Variants in RAB3GAP2 observed in about 807,000 individuals in gnomAD.
RAB3GAP2 encodes RAB3 GTPase activating non-catalytic protein subunit 2.
In RAB3GAP2, 87 loss-of-function variants were observed where a neutral mutation model predicts 185.3. The ratio of observed to expected loss-of-function variants is 0.47; its 90% CI spans 0.39 to 0.56. The LOEUF (loss-of-function observed/expected upper bound fraction) is 0.56. Among genes scored for constraint, RAB3GAP2 ranks in the 20% least tolerant of loss-of-function variants. RAB3GAP2 has a pLI of 0.00. For missense variants in RAB3GAP2, 1,492 were observed against 1,638.2 expected, an observed-to-expected ratio of 0.91 and a Z score of 1.54; for synonymous variants, 554 against 576.1, an observed-to-expected ratio of 0.96 and a Z score of 0.55.
intron 1 of RAB3GAP2, chr1:220,253,899 G>A (rs3211125): frequency 1.1e-5 from 18 of 1,613,370 alleles, no homozygotes; most frequent in East Asian, 6.7e-5. Flanking sequence ...AAGTGAAAAC[G>A]AAAAAGAACA....
intron 1 of RAB3GAP2, among the ~76,000 whole-genome samples, chr1:220,271,619 G>C (rs1660334478): frequency 6.6e-6 from 1 of 152,126 alleles, no homozygotes; most frequent in Non-Finnish European, 1.5e-5. Context: ...TTCTTTGAGA[G>C]AGTCTTACCT....
intron 28 of RAB3GAP2, among the ~76,000 whole-genome samples, chr1:220,161,791 C>T (rs1657967965): frequency 6.6e-6 from 1 of 152,112 alleles, no homozygotes; most frequent in African/African-American, 2.4e-5. Flanking sequence ...TAAGATCTAG[C>T]CATGATAGGC....
rs1657739366 is a variant in RAB3GAP2, at chr1:220,150,897, TTAGA to T, written c.*350_*353del. On this transcript the variant is annotated 3_prime_UTR_variant, in exon 35 of 35. Transcript: ENST00000358951. The stretch of plus-strand genomic sequence containing the variant: ...ATTTAAATTGAATTACAACAACATT[TTAGA>T]TAGGAAATATAGAATCTTATAAGAA... 1 of 259,548 alleles carries T rather than the reference TTAGA, an allele frequency of 3.9e-6. No homozygotes were observed. The highest frequency in any genetic ancestry group is 7.4e-6 in the Non-Finnish European group (1 of 135,020). The allele number at this position is 259,548 out of a possible 1,614,324, so 16.1% of individuals were successfully genotyped here.
chr1:220,193,440 A>G, intron 12 of RAB3GAP2, 61 bp from the exon 13 acceptor site: 7 of 1,502,180 alleles, frequency 4.7e-6, no homozygotes, highest in Non-Finnish European at 6.4e-6. Context: ...CATATAACAG[A>G]ATAACGAAAT....
intron 21 of RAB3GAP2, among the ~76,000 whole-genome samples, chr1:220,178,428 C>A (rs539276468): frequency 6.6e-6 from 1 of 152,188 alleles, no homozygotes; most frequent in Admixed American, 6.5e-5. Flanking sequence ...AAAAAACTAT[C>A]AAAAAACTGA....
At chr1:220,188,221 G>T (rs1658541176) in intron 17 of RAB3GAP2, among the ~76,000 whole-genome samples, 1 of 152,010 alleles carries the variant, frequency 6.6e-6, no homozygotes, top group African/African-American at 2.4e-5. Flanking sequence ...TATTTTAGAT[G>T]CTGTGAATTA....
chr1:220,246,775 T>G (rs1229560354), intron 1 of RAB3GAP2, among the ~76,000 whole-genome samples: 3 of 89,120 alleles, frequency 3.4e-5, no homozygotes, highest in African/African-American at 4.6e-5. Context: ...TGTCGTGGGG[T>G]GGGGGGAGGG....
intron 2 of RAB3GAP2, among the ~76,000 whole-genome samples, chr1:220,215,900 T>C (rs987273886): frequency 6.6e-6 from 1 of 152,168 alleles, no homozygotes; most frequent in Admixed American, 6.5e-5. Context: ...AATTTCATGC[T>C]TTTTAAAAAC....
intron 1 of RAB3GAP2, among the ~76,000 whole-genome samples, chr1:220,234,205 C>A (rs190742306): frequency 4.0e-4 from 61 of 152,022 alleles, no homozygotes; most frequent in African/African-American, 1.4e-3. Flanking sequence ...TGACACATAC[C>A]AAGTTCTCAA....
intron 9 of RAB3GAP2, among the ~76,000 whole-genome samples, chr1:220,199,578 C>G (rs888813189): frequency 1.3e-5 from 2 of 152,122 alleles, no homozygotes; most frequent in African/African-American, 4.8e-5. Flanking sequence ...CCCTGAACTT[C>G]TGACTCTCAT....
chr1:220,153,098 G>A, intron 33 of RAB3GAP2, 87 bp downstream of exon 33: 1 of 984,768 alleles, frequency 1.0e-6, no homozygotes, highest in Non-Finnish European at 1.6e-6. Context: ...AAGAGCAAAA[G>A]GCTTCATTGG....
intron 2 of RAB3GAP2, among the ~76,000 whole-genome samples, chr1:220,218,370 ATAT>A (rs923558795): frequency 2.0e-5 from 3 of 152,164 alleles, no homozygotes; most frequent in African/African-American, 7.2e-5. Context: ...AAATACGATA[ATAT>A]TATTATATCA....
intron 9 of RAB3GAP2, among the ~76,000 whole-genome samples, chr1:220,200,064 T>C (rs571805717): frequency 1.3e-5 from 2 of 152,294 alleles, no homozygotes; most frequent in South Asian, 4.1e-4. Flanking sequence ...CCAGTCTGCA[T>C]CTCCAACCTA....
At chr1:220,264,092 G>C (rs1270918574) in intron 1 of RAB3GAP2, among the ~76,000 whole-genome samples, 1 of 150,520 alleles carries the variant, frequency 6.6e-6, no homozygotes, top group Non-Finnish European at 1.5e-5. Context: ...TATTCTCCTT[G>C]AATACTTATT....
Position 220,150,470 on chromosome 1 carries a change from T to A in RAB3GAP2, c.*781A>T, listed in dbSNP as rs1657728911. The A allele has an allele frequency of 6.6e-6, 1 of 151,850 alleles. No homozygotes were observed. Among genetic ancestry groups the A allele is most frequent in the Non-Finnish European group, 1.5e-5 (1 of 67,870 alleles). 9.4% of individuals were successfully genotyped at this position (151,850 alleles called of 1,614,324 possible). A position where few individuals can be genotyped will look rare whatever the true frequency, so the allele number is the denominator to read the frequency against. On this transcript the variant is annotated 3_prime_UTR_variant, in exon 35 of 35. Coordinates refer to ENST00000358951, the MANE Select transcript of RAB3GAP2 (RefSeq NM_012414.4). ...CTTTGCCTTTTTTTTTTTTTTTTTT[T>A]TACATAAGTTTTACAAGATAATACA... is the stretch of plus-strand genomic sequence containing the variant.
intron 1 of RAB3GAP2, chr1:220,267,550 ATTC>A (rs1660251706): frequency 7.5e-7 from 1 of 1,333,870 alleles, no homozygotes; most frequent in East Asian, 2.3e-5. Flanking sequence ...CCTCTTTTTG[ATTC>A]TTCATTTTTC....
rs1657681113 is a variant in RAB3GAP2 at position 220,148,808 on chromosome 1, TA to T, written c.*2442del. On this transcript the variant is annotated 3_prime_UTR_variant, in exon 35 of 35. Transcript: ENST00000358951. The stretch of plus-strand genomic sequence containing the variant: ...TGCTATATATCTCTTTATCTACATT[TA>T]CCCTGGCCCCTCTAGTTCTGCATCT... 6.6e-6 allele frequency: 1 copy of T among 152,216 alleles called. No individual in the cohort carries two copies. The highest frequency in any genetic ancestry group is 1.5e-5 in the Non-Finnish European group (1 of 68,024). 9.4% of individuals were successfully genotyped at this position (152,216 alleles called of 1,614,324 possible). A position where few individuals can be genotyped will look rare whatever the true frequency, so the allele number is the denominator to read the frequency against.
intron 21 of RAB3GAP2, among the ~76,000 whole-genome samples, chr1:220,173,934 C>T (rs1347956694): frequency 6.7e-6 from 1 of 149,628 alleles, no homozygotes; most frequent in East Asian, 2.0e-4. Flanking sequence ...GCAGGAGAAT[C>T]ACTTGAACCC....
At chr1:220,240,559 C>T (rs1458024737) in intron 1 of RAB3GAP2, among the ~76,000 whole-genome samples, 2 of 152,024 alleles carry the variant, frequency 1.3e-5, no homozygotes, top group Non-Finnish European at 2.9e-5. Flanking sequence ...GTTTGTCCAC[C>T]TCAGTTGCTG....
Sources: allele counts gnomAD v4.1 joint callset (sites outside exome capture counted in the v4.1 genomes callset), GRCh38; gene constraint gnomAD v4.1.1; transcripts MANE v1.5; gene names NCBI Gene and HGNC (gene_info 2026-07-23, HGNC 2026-07-21).